LTBP2: variants seen among roughly 807,000 people sequenced by gnomAD.
LTBP2 encodes latent-transforming growth factor beta-binding protein 2.
LTBP2 carries 103 observed loss-of-function variants against 210.6 expected under a neutral mutation model. The observed-to-expected ratio is 0.49, with a 90% CI of 0.42 to 0.58. The LOEUF is 0.58. Ranked by LOEUF, LTBP2 falls within the 20% of genes least tolerant of loss-of-function variation. The probability of loss-of-function intolerance (pLI) is 0.00; values close to 1 mark genes in which losing one functional copy is unlikely to be tolerated. For synonymous variants in LTBP2, 1,007 were observed against 1,015.0 expected (o/e 0.99, Z 0.15); for missense variants, 2,313 against 2,494.5 (o/e 0.93, Z 1.55).
rs376014771 is a variant in LTBP2, at chr14:74,543,552, C to CTCTT, written c.1789+6310_1789+6311insAAGA. Among the ~76,000 whole-genome samples the CTCTT allele has an allele frequency of 1.9e-3, 126 of 66,708 alleles. 4 individuals are homozygous for CTCTT. Among genetic ancestry groups the CTCTT allele is most frequent in the African/African-American group, 7.3e-3 (120 of 16,336 alleles). 43.8% of individuals were successfully genotyped at this position (66,708 alleles called of 152,430 possible). On this transcript the variant is annotated intron_variant, in intron 8 of 35. Transcript: ENST00000261978. ...TTCCCTCCCTTTTTCCTCCCTCCCT[C>CTCTT]CCTTCCTTCCTCCCTTCCTTCCCCA...
Position 74,507,115 on chromosome 14 carries a change from G to A in LTBP2, c.3907+64C>T, listed in dbSNP as rs1281266373. ...TGTCCTCAGGAGAAAATCATGTCTC[G>A]CTCAATATGTGAAAAATAGGTTTTC... On this transcript the variant is annotated intron_variant, in intron 26 of 35. Transcript: ENST00000261978. 15 of 1,611,488 alleles carry A rather than the reference G, an allele frequency of 9.3e-6. No individual in the cohort carries two copies. In the East Asian group the frequency reaches 1.1e-4, roughly 12 times the overall value.
chr14:74,564,271 ATT>A (rs1341486670), intron 3 of LTBP2, among the ~76,000 whole-genome samples: 2 of 58,082 alleles, frequency 3.4e-5, no homozygotes, highest in East Asian at 5.2e-4. Context: ...ATTTATATAT[ATT>A]TATATATATA....
At chr14:74,558,016 A>G (rs1311584479) in intron 3 of LTBP2, among the ~76,000 whole-genome samples, 1 of 152,078 alleles carries the variant, frequency 6.6e-6, no homozygotes, top group East Asian at 1.9e-4. Context: ...AGGCCCTGGG[A>G]TTCTCTCCCT....
intron 28 of LTBP2, among the ~76,000 whole-genome samples, chr14:74,505,646 G>A (rs142043128): frequency 6.6e-6 from 1 of 152,266 alleles, no homozygotes; most frequent in African/African-American, 2.4e-5. Context: ...GGCGTGAGAG[G>A]CTGAACCCAG....
intron 13 of LTBP2, among the ~76,000 whole-genome samples, chr14:74,526,332 G>C (rs907664148): frequency 6.6e-6 from 1 of 152,222 alleles, no homozygotes; most frequent in Non-Finnish European, 1.5e-5. Flanking sequence ...TCTTATGATG[G>C]GAGGTTGAAA....
rs564188532 is a variant in LTBP2 at position 74,537,816 on chromosome 14, G to A, written c.1790-1816C>T. ...GTCGCACAGGCTGGAATGCAGTGGC[G>A]TGACCTCGGCTCACTGCAACCTCCA... On this transcript the variant is annotated intron_variant, in intron 8 of 35. Coordinates refer to ENST00000261978, the MANE Select transcript of LTBP2 (RefSeq NM_000428.3). 3.3e-5 allele frequency among the ~76,000 whole-genome samples: 5 copies of A among 152,128 alleles called. No individual in the cohort carries two copies. In the East Asian group the frequency reaches 5.8e-4, roughly 18 times the overall value.
At position 74,500,794 on chromosome 14, in the gene LTBP2, C is replaced by T. The variant is rs559543287; in HGVS notation, c.*90G>A. ...ATTGGAAACCTCTGGCCTGATGTCA[C>T]GGTGTCTTCCCAGCTAGGAAATCAT... On this transcript the variant is annotated 3_prime_UTR_variant, in exon 36 of 36. Coordinates refer to ENST00000261978, the MANE Select transcript of LTBP2 (RefSeq NM_000428.3). The T allele has an allele frequency of 1.6e-5, 25 of 1,550,216 alleles. No homozygotes were observed. Among genetic ancestry groups the T allele is most frequent in the Middle Eastern group, 4.6e-4 (2 of 4,376 alleles).
intron 8 of LTBP2, among the ~76,000 whole-genome samples, chr14:74,543,945 GGCAGGTGCCACCTA>G (rs2087547442): frequency 6.6e-6 from 1 of 152,192 alleles, no homozygotes; most frequent in African/African-American, 2.4e-5. Flanking sequence ...CCCTGGCTCA[GGCAGGTGCCACCTA>G]GCCACCCCTG....
chr14:74,563,525 A>G (rs1337914097), intron 3 of LTBP2, among the ~76,000 whole-genome samples: 1 of 152,190 alleles, frequency 6.6e-6, no homozygotes, highest in African/African-American at 2.4e-5. Flanking sequence ...GCTTTCCAAG[A>G]TACACTGAAA....
rs2087004999 is a variant in LTBP2, at chr14:74,507,314, T to C, written c.3776-4A>G. 1.2e-6 allele frequency: 2 copies of C among 1,613,890 alleles called. No individual in the cohort carries two copies. The highest frequency in any genetic ancestry group is 1.7e-6 in the Non-Finnish European group (2 of 1,179,838). ...TAGTCCTCACACTCGTCAATATCTG[T>C]CCCCAGAGCCATGCCATGAGAGAGG... On this transcript the variant is annotated splice_polypyrimidine_tract_variant and splice_region_variant and intron_variant, in intron 25 of 35. Transcript: ENST00000261978.
At chr14:74,606,587 A>T (rs1214750991) in intron 1 of LTBP2, among the ~76,000 whole-genome samples, 1 of 152,154 alleles carries the variant, frequency 6.6e-6, no homozygotes, top group Non-Finnish European at 1.5e-5. Context: ...GGTGGCTCAC[A>T]CCTGTAATCC....
In LTBP2 at chr14:74,498,385, T is replaced by A. The variant is rs1205832371; in HGVS notation, c.*2499A>T. On this transcript the variant is annotated 3_prime_UTR_variant, in exon 36 of 36. Transcript: ENST00000261978. Reference sequence around the variant, plus strand: ...TTAATGTGAAATATGCACAAGAATATTCATTACAGCATTATTTATAGCAAA... The same window carrying A: ...TTAATGTGAAATATGCACAAGAATAATCATTACAGCATTATTTATAGCAAA... The A allele has an allele frequency of 5.1e-6, 1 of 197,350 alleles. No homozygotes were observed. The highest frequency in any genetic ancestry group is 1.0e-5 in the Non-Finnish European group (1 of 95,282). The allele number at this position is 197,350 out of a possible 1,614,324, so 12.2% of individuals were successfully genotyped here. A position where few individuals can be genotyped will look rare whatever the true frequency, so the allele number is the denominator to read the frequency against.
chr14:74,583,571 C>T (rs2088165060), intron 3 of LTBP2, among the ~76,000 whole-genome samples: 1 of 152,240 alleles, frequency 6.6e-6, no homozygotes, highest in South Asian at 2.1e-4. Flanking sequence ...AAGAGGACAG[C>T]CCTGCTGTGG....
Position 74,528,984 on chromosome 14 carries a change from C to G in LTBP2, c.2126G>C (p.Cys709Ser). The change falls in exon 11 of 36, where the codon TGT (cysteine) becomes TCT (serine). Residue 709 changes from cysteine to serine, a missense_variant. Physicochemically the swap from Cys to Ser is moderately radical, Grantham distance 112. This residue lies in a region of LTBP2 where 1,867 missense variants were observed against 1,976.9 expected (regional missense o/e 0.94). Transcript: ENST00000261978. The stretch of plus-strand genomic sequence containing the variant: ...TGTGCCAGGCAGAGGGCATTTCTCA[C>G]ACTCGCTGCCCCATGCTTTGCCCAC... ...SRVGKAWGSE[C>S]EKCPLPGTEA... is the part of the protein sequence containing the mutation. The G allele has an allele frequency of 6.2e-7, 1 of 1,610,502 alleles. No homozygotes were observed. Among genetic ancestry groups the G allele is most frequent in the Non-Finnish European group, 8.5e-7 (1 of 1,178,868 alleles).
At position 74,507,196 on chromosome 14, in the gene LTBP2, G is replaced by A. The variant is rs771009684; in HGVS notation, c.3890C>T (p.Pro1297Leu). Residue 1297 changes from proline to leucine, a missense_variant, in exon 26 of 36, where the codon CCG becomes CTG. This residue lies in a region of LTBP2 where 1,867 missense variants were observed against 1,976.9 expected (regional missense o/e 0.94). Coordinates refer to ENST00000261978, the MANE Select transcript of LTBP2 (RefSeq NM_000428.3). ...LGCQPGFHMAPNGDCIDIDEC... is the reference protein window; with the variant it reads ...LGCQPGFHMALNGDCIDIDEC... The stretch of plus-strand genomic sequence containing the variant: ...CTACTCACCAATGCAGTCTCCGTTC[G>A]GGGCCATGTGGAAGCCAGGCTGGCA... 19 of 1,614,104 alleles carry A rather than the reference G, an allele frequency of 1.2e-5. No individual in the cohort carries two copies. In the South Asian group the frequency reaches 1.3e-4, roughly 11 times the overall value.
intron 17 of LTBP2, among the ~76,000 whole-genome samples, chr14:74,520,820 T>C (rs2087192718): frequency 6.6e-6 from 1 of 152,066 alleles, no homozygotes; most frequent in South Asian, 2.1e-4. Context: ...AATGAATGAA[T>C]GAATGAATGA....
At chr14:74,529,328 T>C (rs1333169651) in intron 10 of LTBP2, among the ~76,000 whole-genome samples, 1 of 152,194 alleles carries the variant, frequency 6.6e-6, no homozygotes, top group Non-Finnish European at 1.5e-5. Context: ...CACCTGCCCA[T>C]GTTGTGTGCT....
chr14:74,523,499 G>A (rs1395521892), intron 15 of LTBP2, among the ~76,000 whole-genome samples: 2 of 152,056 alleles, frequency 1.3e-5, no homozygotes, highest in East Asian at 1.9e-4. Context: ...TGGTAAGGGA[G>A]GTATAGTGGG....
At position 74,498,659 on chromosome 14, in the gene LTBP2, A is replaced by T; in HGVS notation, c.*2225T>A. 4.3e-6 allele frequency: 1 copy of T among 232,242 alleles called. No individual in the cohort carries two copies. The highest frequency in any genetic ancestry group is 8.5e-6 in the Non-Finnish European group (1 of 117,384). The allele number at this position is 232,242 out of a possible 1,614,324, so 14.4% of individuals were successfully genotyped here. On this transcript the variant is annotated 3_prime_UTR_variant, in exon 36 of 36. Transcript: ENST00000261978. ...GTGGAGATTGGAGTGTTGTGGGGGC[A>T]GTGGGAACAGCAGTTACGAAGGTGT...
Sources: allele counts gnomAD v4.1 joint callset (sites outside exome capture counted in the v4.1 genomes callset), GRCh38; gene constraint gnomAD v4.1.1; regional missense constraint gnomAD v4.1.1; transcripts MANE v1.5; gene names NCBI Gene and HGNC (gene_info 2026-07-23, HGNC 2026-07-21).